Variants in GPC1 observed in about 807,000 individuals in gnomAD.
GPC1 encodes glypican-1.
GPC1 carries 26 observed loss-of-function variants against 51.5 expected under a neutral mutation model. That is an observed-to-expected ratio of 0.50 (90% CI 0.37 to 0.70). The LOEUF is 0.70. Among genes scored for constraint, GPC1 ranks in the 30% least tolerant of loss-of-function variants. The probability of loss-of-function intolerance (pLI) is 0.00; values close to 1 mark genes in which losing one functional copy is unlikely to be tolerated. For synonymous variants in GPC1, 380 were observed against 348.3 expected (o/e 1.09, Z -1.01); for missense variants, 775 against 800.5 (o/e 0.97, Z 0.38).
At chr2:240,436,652 G>T (rs146501268) in intron 1 of GPC1, among the ~76,000 whole-genome samples, 1 of 152,262 alleles carries the variant, frequency 6.6e-6, no homozygotes, top group Non-Finnish European at 1.5e-5. Flanking sequence ...TTTATAAGCT[G>T]ACCCCCTCGG....
In GPC1 at chr2:240,453,665, C is replaced by T. The variant is rs577678380; in HGVS notation, c.167-5365C>T. Reference sequence around the variant, plus strand: ...CTCCCCGCCCGCCCCCTTCCCTCCCCGCCGCGCCCACTGCACCAGTGCCCC... The same window carrying T: ...CTCCCCGCCCGCCCCCTTCCCTCCCTGCCGCGCCCACTGCACCAGTGCCCC... On this transcript the variant is annotated intron_variant, in intron 1 of 8. Transcript: ENST00000264039. Among the ~76,000 whole-genome samples, 1,058 of 150,664 alleles carry T rather than the reference C, an allele frequency of 7.0e-3. 10 individuals are homozygous for T. The highest frequency in any genetic ancestry group is 0.023 in the African/African-American group (956 of 41,138).
rs764147684 is a variant in GPC1 at position 240,466,294 on chromosome 2, C to A, written c.*4C>A. 2.7e-6 allele frequency: 4 copies of A among 1,472,126 alleles called. No individual in the cohort carries two copies. The East Asian group carries it at 9.1e-5, about 33-fold the overall frequency. 91.2% of individuals were successfully genotyped at this position (1,472,126 alleles called of 1,614,324 possible). On this transcript the variant is annotated 3_prime_UTR_variant, in exon 9 of 9. Coordinates refer to ENST00000264039, the MANE Select transcript of GPC1 (RefSeq NM_002081.3). ...AGCCAGGCCCCGGTGGCGGTAACTG[C>A]CCCAAGGCCCCAGGGACAGAGGCCA...
chr2:240,455,914 C>G, intron 1 of GPC1: 1 of 324,764 alleles, frequency 3.1e-6, no homozygotes. Context: ...CAGCCTGCAG[C>G]GGGCCTCAGG....
chr2:240,450,141 C>A, intron 1 of GPC1: 1 of 340,738 alleles, frequency 2.9e-6, no homozygotes, highest in Non-Finnish European at 5.8e-6. Context: ...TATCTGCACT[C>A]GTCCCCTAAT....
At chr2:240,457,659 A>G (rs2074179194) in intron 1 of GPC1, among the ~76,000 whole-genome samples, 1 of 152,122 alleles carries the variant, frequency 6.6e-6, no homozygotes, top group South Asian at 2.1e-4. Context: ...AGCTGCTGCC[A>G]GCTCCCCCAG....
intron 2 of GPC1, among the ~76,000 whole-genome samples, chr2:240,459,908 G>A (rs950507483): frequency 4.6e-5 from 7 of 152,162 alleles, no homozygotes; most frequent in African/African-American, 1.7e-4. Flanking sequence ...GAGGCGGCCC[G>A]GGCTGAGGTA....
At chr2:240,449,540 G>A (rs2074077981) in intron 1 of GPC1, 2 of 236,158 alleles carry the variant, frequency 8.5e-6, no homozygotes, top group Non-Finnish European at 1.7e-5. Context: ...TTTGCTTTTT[G>A]TGGCAAAATA....
intron 1 of GPC1, chr2:240,449,502 C>A (rs2151788908): frequency 4.2e-6 from 1 of 240,026 alleles, no homozygotes. Flanking sequence ...TGTAAGTACA[C>A]CCCAGATATT....
intron 2 of GPC1, 75 bp from the exon 3 acceptor site, chr2:240,462,116 C>G: frequency 7.3e-7 from 1 of 1,378,776 alleles, no homozygotes; most frequent in Non-Finnish European, 9.8e-7. Context: ...GTCTCCCGGG[C>G]TGAGTCCCCT....
chr2:240,458,903 A>G, intron 1 of GPC1, 127 bp from the exon 2 acceptor site: 2 of 789,176 alleles, frequency 2.5e-6, no homozygotes, highest in Non-Finnish European at 4.0e-6. Flanking sequence ...GGCACCCCCC[A>G]GGCTGGCCCA....
chr2:240,463,855 G>A (rs1277009455), intron 4 of GPC1: 7 of 328,570 alleles, frequency 2.1e-5, no homozygotes, highest in South Asian at 4.4e-5. Flanking sequence ...TACATGCACC[G>A]TCACATGACA....
At position 240,465,074 on chromosome 2, in the gene GPC1, C is replaced by T. The variant is rs1450444316; in HGVS notation, c.1135-3C>T. ...GCCCAGTGGCCTGACTGCTGCCCCACAGGTCTCCGAAGCCAAGGCCCAGCT... is the reference window on the plus strand; with the variant it reads ...GCCCAGTGGCCTGACTGCTGCCCCATAGGTCTCCGAAGCCAAGGCCCAGCT... On this transcript the variant is annotated splice_polypyrimidine_tract_variant and splice_region_variant and intron_variant, in intron 6 of 8. Transcript: ENST00000264039. 11 of 1,601,976 alleles carry T rather than the reference C, an allele frequency of 6.9e-6. No individual in the cohort carries two copies. The highest frequency in any genetic ancestry group is 9.4e-6 in the Non-Finnish European group (11 of 1,175,348).
intron 4 of GPC1, chr2:240,464,034 G>C: frequency 4.8e-6 from 1 of 206,556 alleles, no homozygotes; most frequent in Non-Finnish European, 9.9e-6. Context: ...CCACTAACAT[G>C]TACACATGCT....
intron 8 of GPC1, 56 bp downstream of exon 8, chr2:240,465,704 A>C: frequency 6.6e-7 from 1 of 1,505,100 alleles, no homozygotes; most frequent in Non-Finnish European, 9.2e-7. Flanking sequence ...GGGGTGCCAC[A>C]GGGGTGTGAC....
chr2:240,436,633 T>C (rs1021223322), intron 1 of GPC1, among the ~76,000 whole-genome samples: 3 of 152,188 alleles, frequency 2.0e-5, no homozygotes, highest in Non-Finnish European at 4.4e-5. Context: ...AAAGGCAGCC[T>C]AGGTGGGTTT....
intron 1 of GPC1, among the ~76,000 whole-genome samples, chr2:240,445,523 C>T (rs866241072): frequency 1.3e-5 from 2 of 152,130 alleles, no homozygotes; most frequent in Non-Finnish European, 2.9e-5. Flanking sequence ...GGGGAGGGGG[C>T]ACCACTCAGC....
At chr2:240,463,274 C>A in intron 3 of GPC1, 73 bp from the exon 4 acceptor site, 1 of 1,371,326 alleles carries the variant, frequency 7.3e-7, no homozygotes, top group Non-Finnish European at 1.0e-6. Context: ...TACCCTGGGG[C>A]TTCGTTAGGG....
chr2:240,442,426 G>A (rs1310944254), intron 1 of GPC1: 1 of 152,300 alleles, frequency 6.6e-6, no homozygotes, highest in African/African-American at 2.4e-5. Context: ...CTGAGATCAA[G>A]TGTGCGTCCA....
In GPC1 at chr2:240,464,890, C is replaced by A; in HGVS notation, c.1049C>A (p.Pro350His). The A allele has an allele frequency of 6.4e-7, 1 of 1,552,590 alleles. No homozygotes were observed. Among genetic ancestry groups the A allele is most frequent in the Non-Finnish European group, 8.7e-7 (1 of 1,148,064 alleles). The change falls in exon 6 of 9, where the codon CCC (proline) becomes CAC (histidine). Residue 350 changes from proline to histidine, a missense_variant. Transcript: ENST00000264039. ...IQGCGNPKVN[P>H]QGPGPEEKRR... ...GGCTGCGGGAACCCCAAGGTCAACCCCCAGGGCCCCGGGCCTGAGGAGAAG... is the reference window on the plus strand; with the variant it reads ...GGCTGCGGGAACCCCAAGGTCAACCACCAGGGCCCCGGGCCTGAGGAGAAG...
Sources: allele counts gnomAD v4.1 joint callset (sites outside exome capture counted in the v4.1 genomes callset), GRCh38; gene constraint gnomAD v4.1.1; transcripts MANE v1.5; gene names NCBI Gene and HGNC (gene_info 2026-07-23, HGNC 2026-07-21).